IRAG1: variants seen among roughly 807,000 people sequenced by gnomAD.
IRAG1 encodes the protein inositol 1,4,5-triphosphate receptor associated 1.
IRAG1 carries 62 observed loss-of-function variants against 106.2 expected under a neutral mutation model. The observed-to-expected ratio is 0.58, with a 90% CI of 0.48 to 0.72. IRAG1 has a LOEUF of 0.72. Ranked by LOEUF, IRAG1 falls within the 30% of genes least tolerant of loss-of-function variation. The pLI, the probability that IRAG1 is intolerant of heterozygous loss-of-function variation, is 0.00. For missense variants in IRAG1, 1,064 were observed against 1,140.7 expected (o/e 0.93, Z 0.97); for synonymous variants, 462 against 443.9 (o/e 1.04, Z -0.51).
rs75626491 is a variant in IRAG1, at chr11:10,687,659, A to G, written c.67+5877T>C. ...AGACTTCACCAGACACAGATGCCCAATCCTCTTGAGAGGAAGTCCACCACT... is the reference window on the plus strand; with the variant it reads ...AGACTTCACCAGACACAGATGCCCAGTCCTCTTGAGAGGAAGTCCACCACT... On this transcript the variant is annotated intron_variant, in intron 1 of 20. Coordinates refer to ENST00000423302, the MANE Select transcript of IRAG1 (RefSeq NM_130385.4). The G allele has an allele frequency of 1.6e-3, 2,102 of 1,276,800 alleles. 21 individuals are homozygous for G. In the African/African-American group the frequency reaches 0.03, roughly 18 times the overall value. The allele number at this position is 1,276,800 out of a possible 1,614,324, so 79.1% of individuals were successfully genotyped here. A position where few individuals can be genotyped will look rare whatever the true frequency, so the allele number is the denominator to read the frequency against.
chr11:10,658,837 G>A (rs1457009156), intron 1 of IRAG1, among the ~76,000 whole-genome samples: 4 of 151,382 alleles, frequency 2.6e-5, no homozygotes, highest in African/African-American at 9.7e-5. Context: ...CCCCATGTCT[G>A]TGCTGTGCTC....
At chr11:10,671,567 C>G (rs1860225495) in intron 1 of IRAG1, among the ~76,000 whole-genome samples, 1 of 151,994 alleles carries the variant, frequency 6.6e-6, no homozygotes. Context: ...CAAAAATTAG[C>G]AGGGCATGGT....
chr11:10,600,510 T>G (rs1290934061), intron 15 of IRAG1, among the ~76,000 whole-genome samples: 1 of 152,376 alleles, frequency 6.6e-6, no homozygotes, highest in East Asian at 1.9e-4. Context: ...ATTAAAATCA[T>G]TGGCTGGATC....
intron 16 of IRAG1, 133 bp downstream of exon 16, chr11:10,594,013 G>T: frequency 1.2e-6 from 1 of 861,320 alleles, no homozygotes; most frequent in Non-Finnish European, 1.8e-6. Flanking sequence ...TGAGAGTGTG[G>T]AAAGCCGAAT....
Position 10,626,055 on chromosome 11 carries a change from C to T in IRAG1, c.1279G>A (p.Gly427Ser), listed in dbSNP as rs202119960. 2,735 of 1,521,860 alleles carry T rather than the reference C, an allele frequency of 1.8e-3. 9 individuals are homozygous for T. Among genetic ancestry groups the T allele is most frequent in the South Asian group, 2.7e-3 (205 of 76,578 alleles). The allele number at this position is 1,521,860 out of a possible 1,614,324, so 94.3% of individuals were successfully genotyped here. Residue 427 changes from glycine to serine, a missense_variant, in exon 9 of 21, where the codon GGC becomes AGC. Gly to Ser is a moderately conservative substitution (Grantham distance 56, BLOSUM62 0). Coordinates refer to ENST00000423302, the MANE Select transcript of IRAG1 (RefSeq NM_130385.4). The stretch of plus-strand genomic sequence containing the variant: ...CCAGGGGCCTTGGCCAGCTTGCCGC[C>T]GGCCTTGCCTGCAAAACGCTTTTCT... ...EEEKRFAGKAGGKLAKAPGLK... is the reference protein window; with the variant it reads ...EEEKRFAGKASGKLAKAPGLK...
rs779278222 is a variant in IRAG1, at chr11:10,628,844, C to A, written c.575-16G>T. On this transcript the variant is annotated splice_polypyrimidine_tract_variant and intron_variant, in intron 5 of 20. Transcript: ENST00000423302. This position sits in a 1 kb window ranked among gnomAD's most constrained non-coding sequence, Gnocchi z 4.1. Reference sequence around the variant, plus strand: ...GGGGAAACAGCTGTGAAGACAGACACAAATTGGCTGGCATTCATGAAGGTT... The same window carrying A: ...GGGGAAACAGCTGTGAAGACAGACAAAAATTGGCTGGCATTCATGAAGGTT... The A allele has an allele frequency of 6.4e-7, 1 of 1,570,656 alleles. No individual in the cohort carries two copies. Among genetic ancestry groups the A allele is most frequent in the Non-Finnish European group, 8.6e-7 (1 of 1,159,258 alleles).
intron 10 of IRAG1, among the ~76,000 whole-genome samples, chr11:10,615,003 A>T (rs1855279602): frequency 6.6e-6 from 1 of 152,240 alleles, no homozygotes; most frequent in Non-Finnish European, 1.5e-5. Flanking sequence ...CAGGCAACCT[A>T]CAGAACAGGA....
In IRAG1 at chr11:10,600,916, A is replaced by C; in HGVS notation, c.2017+2T>G. 6.2e-7 allele frequency: 1 copy of C among 1,614,026 alleles called. No individual in the cohort carries two copies. The highest frequency in any genetic ancestry group is 8.5e-7 in the Non-Finnish European group (1 of 1,179,874). ...AGATGGGGCAGGAGCCTAGGTCCTTACCAGAGGGGCCACAGCTGCGGCTTG... is the reference window on the plus strand; with the variant it reads ...AGATGGGGCAGGAGCCTAGGTCCTTCCCAGAGGGGCCACAGCTGCGGCTTG... On this transcript the variant is annotated splice_donor_variant, in intron 15 of 20. Coordinates refer to ENST00000423302, the MANE Select transcript of IRAG1 (RefSeq NM_130385.4). LOFTEE classifies it high-confidence loss of function.
intron 15 of IRAG1, among the ~76,000 whole-genome samples, chr11:10,598,700 G>C (rs2134280300): frequency 6.6e-6 from 1 of 152,238 alleles, no homozygotes; most frequent in African/African-American, 2.4e-5. Flanking sequence ...TGGGTTATTT[G>C]AAAATAATTT....
intron 15 of IRAG1, among the ~76,000 whole-genome samples, chr11:10,597,575 T>A (rs975377599): frequency 2.0e-5 from 3 of 152,202 alleles, no homozygotes; most frequent in Non-Finnish European, 2.9e-5. Flanking sequence ...CAGGCTGGTC[T>A]CAACCTCCTG....
chr11:10,578,686 CTGA>C (rs1851079981), intron 20 of IRAG1, among the ~76,000 whole-genome samples: 1 of 152,218 alleles, frequency 6.6e-6, no homozygotes, highest in South Asian at 2.1e-4. Flanking sequence ...TTGCCACTCA[CTGA>C]TGACCAGGAG....
intron 10 of IRAG1, 32 bp downstream of exon 10, chr11:10,623,746 G>C: frequency 6.2e-7 from 1 of 1,602,938 alleles, no homozygotes; most frequent in Non-Finnish European, 8.5e-7. Flanking sequence ...ATCAGCACTC[G>C]CTGAGACAGC....
chr11:10,593,169 C>G, intron 17 of IRAG1: 1 of 191,174 alleles, frequency 5.2e-6, no homozygotes, highest in South Asian at 9.3e-5. Context: ...TTACAAACTT[C>G]AGCTACTTAA....
At chr11:10,630,863 C>A (rs938316400) in intron 4 of IRAG1, among the ~76,000 whole-genome samples, 1 of 152,214 alleles carries the variant, frequency 6.6e-6, no homozygotes, top group Non-Finnish European at 1.5e-5. Context: ...GCTAACCCCC[C>A]TCCCCTGTGC....
chr11:10,583,288 G>A (rs1851579550), intron 18 of IRAG1, among the ~76,000 whole-genome samples: 1 of 152,166 alleles, frequency 6.6e-6, no homozygotes, highest in South Asian at 2.1e-4. Context: ...CAAGTCATGA[G>A]GAACTCCACA....
chr11:10,640,133 CG>C (rs1324371135), intron 2 of IRAG1, among the ~76,000 whole-genome samples: 34 of 152,222 alleles, frequency 2.2e-4, no homozygotes, highest in African/African-American at 7.9e-4. Flanking sequence ...GTACAAGGCA[CG>C]GGAGTGAGCT....
intron 12 of IRAG1, among the ~76,000 whole-genome samples, chr11:10,606,495 C>A (rs1287188194): frequency 6.6e-6 from 1 of 152,196 alleles, no homozygotes. Context: ...ACAATCCTTA[C>A]AGGAATGTAA....
chr11:10,661,420 TTG>T (rs1280111656), intron 1 of IRAG1, among the ~76,000 whole-genome samples: 1 of 152,166 alleles, frequency 6.6e-6, no homozygotes, highest in Non-Finnish European at 1.5e-5. Flanking sequence ...TTCCACATAT[TTG>T]GTGGCTTAAA....
In IRAG1 at chr11:10,576,104, T is replaced by A; in HGVS notation, c.*228A>T. 1 of 563,518 alleles carries A rather than the reference T, an allele frequency of 1.8e-6. No homozygotes were observed. 34.9% of individuals were successfully genotyped at this position (563,518 alleles called of 1,614,324 possible). A position where few individuals can be genotyped will look rare whatever the true frequency, so the allele number is the denominator to read the frequency against. ...ATAGAGTTCCTTGGTGAAGGTGACT[T>A]CTTCATCCACTGGATGCTTTCCCAG... On this transcript the variant is annotated 3_prime_UTR_variant, in exon 21 of 21. Coordinates refer to ENST00000423302, the MANE Select transcript of IRAG1 (RefSeq NM_130385.4).
Sources: gnomAD v4.1 joint callset for allele counts (sites outside exome capture counted in the v4.1 genomes callset) on GRCh38, gnomAD v4.1.1 for gene constraint, Gnocchi (gnomAD v3.1) non-coding constraint, MANE v1.5 for transcripts, NCBI Gene and HGNC (gene_info 2026-07-23, HGNC 2026-07-21) for gene names.